AGO2: variants seen among roughly 807,000 people sequenced by gnomAD.
AGO2 encodes protein argonaute-2.
In AGO2, 5 loss-of-function variants were observed where a neutral mutation model predicts 102.3. The ratio of observed to expected loss-of-function variants is 0.05; its 90% CI spans 0.03 to 0.10. The LOEUF (loss-of-function observed/expected upper bound fraction) is 0.10. Ranked by LOEUF, AGO2 falls within the 10% of genes least tolerant of loss-of-function variation. The pLI is 1.00. For synonymous variants in AGO2, 449 were observed against 473.1 expected (o/e 0.95, Z 0.66); for missense variants, 541 against 1,183.7 (o/e 0.46, Z 7.97).
Position 140,523,987 on chromosome 8 carries a change from A to C in AGO2, c.*8057T>G, listed in dbSNP as rs1224056199. 6.6e-6 allele frequency: 1 copy of C among 152,266 alleles called. No individual in the cohort carries two copies. Among genetic ancestry groups the C allele is most frequent in the African/African-American group, 2.4e-5 (1 of 41,470 alleles). 9.4% of individuals were successfully genotyped at this position (152,266 alleles called of 1,614,324 possible). The stretch of plus-strand genomic sequence containing the variant: ...CAGGTGGTTTCTCAGGCCATTGGCC[A>C]AGAAACTGCTCAATACCTGGCTTGA... On this transcript the variant is annotated 3_prime_UTR_variant, in exon 19 of 19. Coordinates refer to ENST00000220592, the MANE Select transcript of AGO2 (RefSeq NM_012154.5).
Position 140,540,518 on chromosome 8 carries a change from G to A in AGO2, c.2034+646C>T, listed in dbSNP as rs2072778358. ...CATCGCCCGGGTTCCAGGCCAAGAT[G>A]GACTCATTCCTGCCCACAGGTCACC... On this transcript the variant is annotated intron_variant, in intron 15 of 18. Transcript: ENST00000220592. The surrounding 1 kb of genome is among the most constrained non-coding windows in gnomAD (Gnocchi z 5.0). 6.6e-6 allele frequency among the ~76,000 whole-genome samples: 1 copy of A among 152,180 alleles called. No homozygotes were observed. Among genetic ancestry groups the A allele is most frequent in the Admixed American group, 6.5e-5 (1 of 15,286 alleles).
At chr8:140,610,537 G>A (rs1188141881) in intron 1 of AGO2, among the ~76,000 whole-genome samples, 2 of 152,196 alleles carry the variant, frequency 1.3e-5, no homozygotes, top group South Asian at 2.1e-4. Flanking sequence ...TCTTAATAAC[G>A]GAATAACTTA....
intron 16 of AGO2, among the ~76,000 whole-genome samples, chr8:140,537,253 G>A (rs67892703): frequency 0.2 from 30,519 of 151,856 alleles, 3,734 homozygotes; most frequent in East Asian, 0.28. Context: ...CTATTTGTAG[G>A]GAAGATTCTA....
chr8:140,605,346 G>A (rs565507288), intron 1 of AGO2, among the ~76,000 whole-genome samples: 19 of 152,262 alleles, frequency 1.2e-4, no homozygotes, highest in East Asian at 9.6e-4. Flanking sequence ...ATCTGCCTGC[G>A]TCAGCTTCCC....
intron 10 of AGO2, among the ~76,000 whole-genome samples, chr8:140,552,802 G>C (rs1010169937): frequency 6.6e-6 from 1 of 151,440 alleles, no homozygotes; most frequent in Non-Finnish European, 1.5e-5. Context: ...TCTCAACCTC[G>C]GCACAACTGA....
chr8:140,522,680 G>GAC lies in AGO2; in HGVS notation c.*9363_*9364insGT, dbSNP rs1377905179. 3.1e-5 allele frequency: 3 copies of GAC among 96,650 alleles called. No individual in the cohort carries two copies. The highest frequency in any genetic ancestry group is 6.7e-5 in the Non-Finnish European group (3 of 44,872). 6.0% of individuals were successfully genotyped at this position (96,650 alleles called of 1,614,324 possible). A position where few individuals can be genotyped will look rare whatever the true frequency, so the allele number is the denominator to read the frequency against. Reference sequence around the variant, plus strand: ...CCAAGCTAGACAAGAGAGAGAGAGAGAGACAGAGACAGAGACAGAGAGAGG... The same window carrying GAC: ...CCAAGCTAGACAAGAGAGAGAGAGAGACAGACAGAGACAGAGACAGAGAGAGG... On this transcript the variant is annotated 3_prime_UTR_variant, in exon 19 of 19. Transcript: ENST00000220592.
intron 10 of AGO2, chr8:140,555,569 G>T: frequency 4.2e-6 from 1 of 236,648 alleles, no homozygotes; most frequent in Non-Finnish European, 8.1e-6. Context: ...AAAAGTTAAA[G>T]AATAGAAAAG....
chr8:140,572,926 G>A lies in AGO2; in HGVS notation c.222C>T (p.Ile74=), dbSNP rs779523436. The part of the protein sequence containing the change: ...EKCPRRVNRE[I]VEHMVQHFKT... ...TAAAGTGCTGGACCATGTGTTCCAC[G>A]ATTTCCCTGAAACAAAGACAAAAGT... The change falls in exon 3 of 19, where the codon ATC becomes ATT. Residue 74 remains isoleucine (I), a synonymous_variant. Coordinates refer to ENST00000220592, the MANE Select transcript of AGO2 (RefSeq NM_012154.5). 11 of 1,606,392 alleles carry A rather than the reference G, an allele frequency of 6.8e-6. No individual in the cohort carries two copies. Among genetic ancestry groups the A allele is most frequent in the South Asian group, 5.6e-5 (5 of 88,980 alleles).
At chr8:140,593,803 C>T (rs1055168638) in intron 1 of AGO2, among the ~76,000 whole-genome samples, 2 of 152,132 alleles carry the variant, frequency 1.3e-5, no homozygotes, top group Non-Finnish European at 2.9e-5. Context: ...TCCGAGGTGT[C>T]TGACAGGCAG....
At chr8:140,541,425 G>A in intron 14 of AGO2, 67 bp from the exon 15 acceptor site, 4 of 1,421,942 alleles carry the variant, frequency 2.8e-6, no homozygotes, top group Non-Finnish European at 3.7e-6. Flanking sequence ...CATGTGCCTG[G>A]ACTCTCGGGA....
chr8:140,546,501 C>T (rs1286624809), intron 13 of AGO2, among the ~76,000 whole-genome samples: 1 of 152,246 alleles, frequency 6.6e-6, no homozygotes, highest in African/African-American at 2.4e-5. Flanking sequence ...GGGCTCACCA[C>T]CGCCCACTTT....
In AGO2 at chr8:140,541,215, G is replaced by A. The variant is rs201732947; in HGVS notation, c.1983C>T (p.Pro661=). ...CGTCGCGGTAGAAGATGATGCGGGT[G>A]GGCTTGAAGCGCGTGGACTTGTAGA... ...IQFYKSTRFK[P]TRIIFYRDGV... The change falls in exon 15 of 19, where the codon CCC becomes CCT. Residue 661 remains proline, a synonymous_variant. Transcript: ENST00000220592. 2.4e-3 allele frequency: 3,823 copies of A among 1,601,762 alleles called. 116 individuals are homozygous for A. The South Asian group carries it at 0.04, about 17-fold the overall frequency.
chr8:140,579,307 C>A (rs1013119707), intron 2 of AGO2, among the ~76,000 whole-genome samples: 1 of 152,106 alleles, frequency 6.6e-6, no homozygotes, highest in African/African-American at 2.4e-5. Flanking sequence ...TAACCTTATC[C>A]TTTTCAAACC....
At chr8:140,566,940 G>A (rs796701087) in intron 3 of AGO2, among the ~76,000 whole-genome samples, 22 of 152,304 alleles carry the variant, frequency 1.4e-4, no homozygotes, top group African/African-American at 4.8e-4. Context: ...GTGGGAGAGC[G>A]CGTGCATTTC....
intron 1 of AGO2, among the ~76,000 whole-genome samples, chr8:140,605,187 C>T (rs145349659): frequency 5.1e-4 from 78 of 152,240 alleles, no homozygotes; most frequent in African/African-American, 1.8e-3. Flanking sequence ...TTCCGCCTCC[C>T]GGGCTCAAGC....
chr8:140,640,103 G>C (rs570093703), upstream of AGO2, among the ~76,000 whole-genome samples: 1 of 152,138 alleles, frequency 6.6e-6, no homozygotes, highest in Non-Finnish European at 1.5e-5. Flanking sequence ...TCGCCTCCTG[G>C]GTTCGAGTGA....
chr8:140,556,999 G>A, intron 8 of AGO2, 90 bp downstream of exon 8: 1 of 1,498,472 alleles, frequency 6.7e-7, no homozygotes, highest in Admixed American at 2.1e-5. Context: ...TATCTGACTG[G>A]GGCCTCGGCG....
chr8:140,613,195 G>A (rs563521147), intron 1 of AGO2, among the ~76,000 whole-genome samples: 4 of 152,098 alleles, frequency 2.6e-5, no homozygotes, highest in Admixed American at 6.5e-5. Flanking sequence ...GCAAGACTCC[G>A]TCTCAAAAAA....
At chr8:140,594,750 A>G (rs957250406) in intron 1 of AGO2, among the ~76,000 whole-genome samples, 2 of 152,104 alleles carry the variant, frequency 1.3e-5, no homozygotes, top group African/African-American at 2.4e-5. Flanking sequence ...TCAAGGCTGC[A>G]GTGATCCGAG....
Sources: gnomAD v4.1 joint callset for allele counts (sites outside exome capture counted in the v4.1 genomes callset) on GRCh38, gnomAD v4.1.1 for gene constraint, Gnocchi (gnomAD v3.1) non-coding constraint, MANE v1.5 for transcripts, NCBI Gene and HGNC (gene_info 2026-07-23, HGNC 2026-07-21) for gene names.